Variants in GRM1 observed in about 807,000 individuals in gnomAD.
The protein encoded by GRM1 is metabotropic glutamate receptor 1.
A neutral mutation model predicts 90.9 loss-of-function variants in GRM1; 33 were observed. That is an observed-to-expected ratio of 0.36 (90% CI 0.28 to 0.49). The LOEUF is 0.49. Among genes scored for constraint, GRM1 ranks in the 20% least tolerant of loss-of-function variants. The pLI is 0.99. For synonymous variants in GRM1, 700 were observed against 613.2 expected (o/e 1.14, Z -2.09); for missense variants, 1,190 against 1,534.3 (o/e 0.78, Z 3.75).
intron 2 of GRM1, among the ~76,000 whole-genome samples, chr6:146,299,200 T>G (rs1199761759): frequency 6.6e-6 from 1 of 152,198 alleles, no homozygotes; most frequent in Non-Finnish European, 1.5e-5. Flanking sequence ...TCCTCTTCAT[T>G]CCTATTACGT....
intron 1 of GRM1, among the ~76,000 whole-genome samples, chr6:146,069,331 T>TATTAC (rs529464438): frequency 2.7e-4 from 41 of 152,278 alleles, no homozygotes; most frequent in African/African-American, 6.0e-4. Flanking sequence ...GCAATGCTCA[T>TATTAC]ATTACATTAC....
intron 1 of GRM1, among the ~76,000 whole-genome samples, chr6:146,048,229 A>G (rs956983601): frequency 1.3e-5 from 2 of 152,030 alleles, no homozygotes; most frequent in Non-Finnish European, 2.9e-5. Flanking sequence ...TGTTTTGTTA[A>G]GAGGCAATCT....
chr6:146,239,605 T>C (rs1780777650), intron 2 of GRM1, among the ~76,000 whole-genome samples: 1 of 152,106 alleles, frequency 6.6e-6, no homozygotes, highest in Non-Finnish European at 1.5e-5. Context: ...AAATATTTTC[T>C]TACTAGAACC....
chr6:146,231,380 G>A (rs1780446168), intron 2 of GRM1, among the ~76,000 whole-genome samples: 1 of 152,090 alleles, frequency 6.6e-6, no homozygotes, highest in African/African-American at 2.4e-5. Context: ...TCTTTCCACA[G>A]CAATGCCAAG....
intron 2 of GRM1, among the ~76,000 whole-genome samples, chr6:146,164,115 A>G (rs1019720265): frequency 6.6e-6 from 1 of 152,164 alleles, no homozygotes; most frequent in African/African-American, 2.4e-5. Flanking sequence ...AAAACTGAGA[A>G]TAATTTATGT....
chr6:146,093,840 G>C (rs999309089), intron 1 of GRM1, among the ~76,000 whole-genome samples: 1 of 151,920 alleles, frequency 6.6e-6, no homozygotes, highest in Non-Finnish European at 1.5e-5. Flanking sequence ...ATTATAATTA[G>C]AATATTATCC....
chr6:146,120,506 G>A (rs890087018), intron 1 of GRM1, among the ~76,000 whole-genome samples: 22 of 152,116 alleles, frequency 1.4e-4, no homozygotes, highest in African/African-American at 4.3e-4. Context: ...GGGCATCCCT[G>A]TCTTGTGCCA....
At chr6:146,189,037 A>C (rs1253057531) in intron 2 of GRM1, among the ~76,000 whole-genome samples, 1 of 152,212 alleles carries the variant, frequency 6.6e-6, no homozygotes, top group Non-Finnish European at 1.5e-5. Context: ...TGAGAGAGAG[A>C]AGCTAAACCA....
chr6:146,215,947 C>T (rs771422867), intron 2 of GRM1, among the ~76,000 whole-genome samples: 4 of 151,988 alleles, frequency 2.6e-5, no homozygotes, highest in South Asian at 2.1e-4. Flanking sequence ...TTAGTAGGGA[C>T]GGGGTTTCAC....
intron 1 of GRM1, among the ~76,000 whole-genome samples, chr6:146,139,313 A>G (rs1316395499): frequency 6.6e-6 from 1 of 152,174 alleles, no homozygotes; most frequent in Non-Finnish European, 1.5e-5. Flanking sequence ...TGTTCTGTAA[A>G]TATCTATTAT....
chr6:146,300,148 A>T (rs1277154120), intron 2 of GRM1, among the ~76,000 whole-genome samples: 2 of 152,222 alleles, frequency 1.3e-5, no homozygotes, highest in African/African-American at 4.8e-5. Context: ...TAATTTTATT[A>T]TCAGGTACAC....
At chr6:146,433,167 G>T (rs1425357688) in intron 7 of GRM1, among the ~76,000 whole-genome samples, 2 of 152,094 alleles carry the variant, frequency 1.3e-5, no homozygotes, top group Non-Finnish European at 1.5e-5. Context: ...TGTGAGTCAG[G>T]GCCTTTGTGT....
chr6:146,366,873 T>C (rs910078118), intron 5 of GRM1, among the ~76,000 whole-genome samples: 1 of 152,190 alleles, frequency 6.6e-6, no homozygotes, highest in Non-Finnish European at 1.5e-5. Flanking sequence ...TGTTAATTGT[T>C]TCCTTTGCTG....
At chr6:146,420,425 A>G (rs1255523290) in intron 7 of GRM1, among the ~76,000 whole-genome samples, 2 of 152,256 alleles carry the variant, frequency 1.3e-5, no homozygotes, top group Admixed American at 6.5e-5. Flanking sequence ...CCGAAGGGAT[A>G]TGCCCTGTGG....
At position 146,434,019 on chromosome 6, in the gene GRM1, T is replaced by C. The variant is rs755842019; in HGVS notation, c.2808T>C (p.Ser936=). ...QTAVIKPLTK[S]YQGSGKSLTF... ...CCGTCATCAAGCCCCTCACTAAAAG[T>C]TACCAAGGCTCTGGCAAGAGCCTGA... The change falls in exon 8 of 8, where the codon AGT becomes AGC. Residue 936 remains serine (S), a synonymous_variant. Coordinates refer to ENST00000282753, the MANE Select transcript of GRM1 (RefSeq NM_001278064.2). 7.4e-6 allele frequency: 12 copies of C among 1,613,944 alleles called. No homozygotes were observed. In the South Asian group the frequency reaches 8.8e-5, roughly 12 times the overall value.
At chr6:146,236,744 A>C (rs1361872351) in intron 2 of GRM1, among the ~76,000 whole-genome samples, 1 of 152,056 alleles carries the variant, frequency 6.6e-6, no homozygotes, top group Non-Finnish European at 1.5e-5. Flanking sequence ...CCAGAGTCTT[A>C]AGGTATTTGT....
At position 146,399,702 on chromosome 6, in the gene GRM1, G is replaced by T; in HGVS notation, c.2660+3G>T. ...AAGGCAGGGGCAGGGAATGCCAAGT[G>T]AGTTATCTGACCTGTTTGTCTCTCT... is the stretch of plus-strand genomic sequence containing the variant. On this transcript the variant is annotated splice_donor_region_variant and intron_variant, in intron 7 of 7. Transcript: ENST00000282753. This position sits in a 1 kb window ranked among gnomAD's most constrained non-coding sequence, Gnocchi z 5.4. 6.3e-7 allele frequency: 1 copy of T among 1,588,648 alleles called. No individual in the cohort carries two copies.
chr6:146,312,563 A>G (rs1783815213), intron 3 of GRM1, among the ~76,000 whole-genome samples: 1 of 152,096 alleles, frequency 6.6e-6, no homozygotes, highest in African/African-American at 2.4e-5. Flanking sequence ...AACCATTTTA[A>G]TGTCATTCTT....
chr6:146,107,617 A>G (rs1388678980), intron 1 of GRM1, among the ~76,000 whole-genome samples: 1 of 152,140 alleles, frequency 6.6e-6, no homozygotes, highest in African/African-American at 2.4e-5. Context: ...GTAGTTATTG[A>G]TTTCTATTCC....
Sources: gnomAD v4.1 joint callset for allele counts (sites outside exome capture counted in the v4.1 genomes callset) on GRCh38, gnomAD v4.1.1 for gene constraint, Gnocchi (gnomAD v3.1) non-coding constraint, MANE v1.5 for transcripts, NCBI Gene and HGNC (gene_info 2026-07-23, HGNC 2026-07-21) for gene names.